IL1RAP: variants seen among roughly 807,000 people sequenced by gnomAD.
The protein encoded by IL1RAP is interleukin-1 receptor accessory protein.
In IL1RAP, 35 loss-of-function variants were observed where a neutral mutation model predicts 60.7. That is an observed-to-expected ratio of 0.58 (90% confidence interval 0.44 to 0.76). The LOEUF (loss-of-function observed/expected upper bound fraction) is 0.76, where lower values mean the gene tolerates loss of function less well. Ranked by LOEUF, IL1RAP falls within the 30% of genes least tolerant of loss-of-function variation. The pLI is 0.00. For missense variants in IL1RAP, 572 were observed against 693.9 expected (o/e 0.82, Z 1.97); for synonymous variants, 268 against 250.9 (o/e 1.07, Z -0.64).
intron 6 of IL1RAP, among the ~76,000 whole-genome samples, chr3:190,621,738 TGA>T (rs758763307): frequency 1.0e-3 from 148 of 148,138 alleles, no homozygotes; most frequent in Non-Finnish European, 1.8e-3. Flanking sequence ...AACTGCGATA[TGA>T]GTTTTAATTA....
chr3:190,515,464 T>TA (rs1445391264), intron 1 of IL1RAP, among the ~76,000 whole-genome samples: 3 of 152,146 alleles, frequency 2.0e-5, no homozygotes, highest in Admixed American at 6.5e-5. Flanking sequence ...AGAGGCATTT[T>TA]AAAAAAATCT....
intron 3 of IL1RAP, among the ~76,000 whole-genome samples, chr3:190,586,502 T>C (rs769773364): frequency 9.2e-5 from 14 of 152,224 alleles, no homozygotes; most frequent in Non-Finnish European, 1.8e-4. Context: ...TGTTTCCCTA[T>C]TGGCCGTGAT....
In IL1RAP at chr3:190,628,721, A is replaced by G. The variant is rs543309432; in HGVS notation, c.903-629A>G. Reference sequence around the variant, plus strand: ...GAGATTTCAGATTTCTGACCACAGTATTCTAGCTGTGTTCAGAATCCATGC... The same window carrying G: ...GAGATTTCAGATTTCTGACCACAGTGTTCTAGCTGTGTTCAGAATCCATGC... On this transcript the variant is annotated intron_variant, in intron 8 of 11. Coordinates refer to ENST00000447382, the MANE Select transcript of IL1RAP (RefSeq NM_002182.4). Among the ~76,000 whole-genome samples, 4 of 152,326 alleles carry G rather than the reference A, an allele frequency of 2.6e-5. No homozygotes were observed. In the East Asian group the frequency reaches 5.8e-4, roughly 22 times the overall value.
intron 1 of IL1RAP, among the ~76,000 whole-genome samples, chr3:190,542,905 G>A (rs1376201036): frequency 2.5e-5 from 3 of 121,420 alleles, no homozygotes; most frequent in African/African-American, 6.5e-5. Context: ...TTTTTGGCTA[G>A]CATCAACAGG....
intron 3 of IL1RAP, among the ~76,000 whole-genome samples, chr3:190,575,556 C>A (rs73886485): frequency 0.028 from 4,235 of 152,236 alleles, 104 homozygotes; most frequent in East Asian, 0.1. Flanking sequence ...AAAGAGCCAC[C>A]TTCAAAGGCA....
At chr3:190,593,412 TG>T (rs1399978172) in intron 3 of IL1RAP, among the ~76,000 whole-genome samples, 1 of 152,232 alleles carries the variant, frequency 6.6e-6, no homozygotes, top group Non-Finnish European at 1.5e-5. Context: ...AGACTTTGTT[TG>T]GGTAGCTCTA....
rs1467164751 is a variant in IL1RAP at position 190,658,130 on chromosome 3, C to T, written c.*1523C>T. 4 of 147,986 alleles carry T rather than the reference C, an allele frequency of 2.7e-5. No homozygotes were observed. In the Admixed American group the frequency reaches 2.7e-4, roughly 10 times the overall value. The allele number at this position is 147,986 out of a possible 1,614,324, so 9.2% of individuals were successfully genotyped here. On this transcript the variant is annotated 3_prime_UTR_variant, in exon 12 of 12. Transcript: ENST00000317757. ...GTCACTAATTGAGCCCCAATGTTGC[C>T]ATATTGTCCATTTTTTTCTAAAGAA...
chr3:190,620,462 T>A (rs1481086854), intron 6 of IL1RAP, 22 bp downstream of exon 6: 1 of 1,586,800 alleles, frequency 6.3e-7, no homozygotes, highest in Non-Finnish European at 8.6e-7. Context: ...TAGTGTCCAG[T>A]ACACACAACA....
chr3:190,624,723 G>T, intron 7 of IL1RAP: 1 of 206,942 alleles, frequency 4.8e-6, no homozygotes, highest in South Asian at 1.0e-4. Flanking sequence ...CTTGTTTCAG[G>T]CAGTGCCTGT....
chr3:190,638,143 T>C (rs1733372560), intron 9 of IL1RAP, among the ~76,000 whole-genome samples: 1 of 152,208 alleles, frequency 6.6e-6, no homozygotes, highest in Non-Finnish European at 1.5e-5. Flanking sequence ...CGCTTTTACT[T>C]CTCTGAGATG....
chr3:190,563,648 A>G (rs1726105794), intron 2 of IL1RAP: 1 of 152,202 alleles, frequency 6.6e-6, no homozygotes, highest in Non-Finnish European at 1.5e-5. Context: ...AGAAGAGGAG[A>G]GCACGAACAG....
At chr3:190,585,578 G>A (rs1247219670) in intron 3 of IL1RAP, among the ~76,000 whole-genome samples, 3 of 152,120 alleles carry the variant, frequency 2.0e-5, no homozygotes, top group South Asian at 2.1e-4. Flanking sequence ...TTGGGAGGCC[G>A]AGGCGGGTGG....
At position 190,620,115 on chromosome 3, in the gene IL1RAP, G is replaced by A. The variant is rs183502671; in HGVS notation, c.538-160G>A. Among the ~76,000 whole-genome samples, 9 of 152,146 alleles carry A rather than the reference G, an allele frequency of 5.9e-5. No homozygotes were observed. The South Asian group carries it at 1.5e-3, about 25-fold the overall frequency. ...ATGACAGGTGTTTCATTTATTCTTC[G>A]CAGAAATCTTGTCAAATACTTGACC... On this transcript the variant is annotated intron_variant, in intron 5 of 11. Transcript: ENST00000447382.
intron 3 of IL1RAP, among the ~76,000 whole-genome samples, chr3:190,588,012 G>T (rs12488165): frequency 0.19 from 28,624 of 152,186 alleles, 3,009 homozygotes; most frequent in African/African-American, 0.28. Flanking sequence ...AGTCTTTGGT[G>T]GGATGTGGTG....
chr3:190,596,410 C>T (rs1044170157), intron 3 of IL1RAP, among the ~76,000 whole-genome samples: 5 of 152,058 alleles, frequency 3.3e-5, no homozygotes, highest in Non-Finnish European at 4.4e-5. Flanking sequence ...TCTCTGTCTC[C>T]GTTTCCTGGC....
intron 9 of IL1RAP, among the ~76,000 whole-genome samples, chr3:190,637,728 A>G (rs1182874664): frequency 3.3e-5 from 5 of 152,252 alleles, no homozygotes; most frequent in Admixed American, 3.3e-4. Flanking sequence ...GAATATTACC[A>G]TCACCAGAAA....
At chr3:190,568,250 C>T (rs1348527457) in intron 3 of IL1RAP, among the ~76,000 whole-genome samples, 1 of 152,034 alleles carries the variant, frequency 6.6e-6, no homozygotes, top group Non-Finnish European at 1.5e-5. Context: ...AACCATTGTA[C>T]AGGGGTAGGG....
chr3:190,645,552 T>G, intron 10 of IL1RAP, 147 bp from the exon 11 acceptor site: 1 of 619,406 alleles, frequency 1.6e-6, no homozygotes, highest in Non-Finnish European at 2.8e-6. Flanking sequence ...ATAGTCGTTT[T>G]GCGTGGAGAC....
At chr3:190,546,931 T>C (rs1724425975) in intron 1 of IL1RAP, among the ~76,000 whole-genome samples, 1 of 152,222 alleles carries the variant, frequency 6.6e-6, no homozygotes, top group East Asian at 1.9e-4. Flanking sequence ...GCTTAGGATG[T>C]GGCCACAAAA....
Sources: gnomAD v4.1 joint callset for allele counts (sites outside exome capture counted in the v4.1 genomes callset) on GRCh38, gnomAD v4.1.1 for gene constraint, MANE v1.5 for transcripts, NCBI Gene and HGNC (gene_info 2026-07-23, HGNC 2026-07-21) for gene names.